MS4A3: variants seen among roughly 807,000 people sequenced by gnomAD.
The protein encoded by MS4A3 is membrane-spanning 4-domains subfamily A member 3.
In MS4A3, 18 loss-of-function variants were observed where a neutral mutation model predicts 24.7. The ratio of observed to expected loss-of-function variants is 0.73; its 90% CI spans 0.50 to 1.08. The LOEUF (loss-of-function observed/expected upper bound fraction) is 1.08, where lower values mean the gene tolerates loss of function less well. Ranked by LOEUF, MS4A3 falls within the 50% of genes least tolerant of loss-of-function variation. The probability of loss-of-function intolerance (pLI) is 0.00; values close to 1 mark genes in which losing one functional copy is unlikely to be tolerated. For missense variants in MS4A3, 282 were observed against 251.7 expected, an observed-to-expected ratio of 1.12 and a Z score of -0.82; for synonymous variants, 84 against 95.3, an observed-to-expected ratio of 0.88 and a Z score of 0.69.
At chr11:60,059,834 A>C (rs1424557495) in intron 1 of MS4A3, among the ~76,000 whole-genome samples, 1 of 152,186 alleles carries the variant, frequency 6.6e-6, no homozygotes, top group Non-Finnish European at 1.5e-5. Flanking sequence ...ATAGTGCTGC[A>C]ATGAACATTC....
Position 60,069,719 on chromosome 11 carries a change from C to T in MS4A3, c.615+44C>T, listed in dbSNP as rs2298585. The T allele has an allele frequency of 9.4e-3, 13,439 of 1,435,424 alleles. 569 individuals are homozygous for T. The East Asian group carries it at 0.13, about 14-fold the overall frequency. 88.9% of individuals were successfully genotyped at this position (1,435,424 alleles called of 1,614,324 possible). A position where few individuals can be genotyped will look rare whatever the true frequency, so the allele number is the denominator to read the frequency against. On this transcript the variant is annotated intron_variant, in intron 6 of 6. Coordinates refer to ENST00000278865, the MANE Select transcript of MS4A3 (RefSeq NM_006138.5). ...TTAATCATTCACATGATCTCAAAGCCTCCCTGTAGGGTTTGAAGTTGTTTC... is the reference window on the plus strand; with the variant it reads ...TTAATCATTCACATGATCTCAAAGCTTCCCTGTAGGGTTTGAAGTTGTTTC...
In MS4A3 at chr11:60,064,343, A is replaced by G. The variant is rs1263239620; in HGVS notation, c.351+25A>G. The G allele has an allele frequency of 5.2e-6, 8 of 1,551,614 alleles. No homozygotes were observed. In the East Asian group the frequency reaches 6.9e-5, roughly 13 times the overall value. ...GGTAAGTAGCACTTCCTCTTTTTCT[A>G]TGATCAGAGGAGTAGAAATATATTA... On this transcript the variant is annotated intron_variant, in intron 4 of 6. Transcript: ENST00000278865.
At chr11:60,061,097 A>T (rs747124625) in intron 1 of MS4A3, 49 bp from the exon 2 acceptor site, 2 of 1,493,796 alleles carry the variant, frequency 1.3e-6, no homozygotes, top group Non-Finnish European at 1.8e-6. Flanking sequence ...TTTAGTAGCT[A>T]GTGGAAAAAG....
intron 5 of MS4A3, among the ~76,000 whole-genome samples, chr11:60,069,286 A>G (rs1855433225): frequency 1.3e-5 from 2 of 152,190 alleles, no homozygotes; most frequent in Non-Finnish European, 2.9e-5. Flanking sequence ...GGAAGATGTT[A>G]GTGATAATGT....
Position 60,070,262 on chromosome 11 carries a change from A to G in MS4A3, c.*29A>G, listed in dbSNP as rs1303089517. 1 of 1,335,172 alleles carries G rather than the reference A, an allele frequency of 7.5e-7. No individual in the cohort carries two copies. Among genetic ancestry groups the G allele is most frequent in the Middle Eastern group, 1.9e-4 (1 of 5,266 alleles). 82.7% of individuals were successfully genotyped at this position (1,335,172 alleles called of 1,614,324 possible). ...AGAATACCTCCTTAATTCTGAGAGC[A>G]TGAATATTTGACCTTAAATCTCCAG... On this transcript the variant is annotated 3_prime_UTR_variant, in exon 7 of 7. Coordinates refer to ENST00000278865, the MANE Select transcript of MS4A3 (RefSeq NM_006138.5).
chr11:60,061,092 T>C (rs534181447), intron 1 of MS4A3, 54 bp from the exon 2 acceptor site: 6 of 1,486,492 alleles, frequency 4.0e-6, no homozygotes, highest in East Asian at 4.7e-5. Context: ...AAAATTTTAG[T>C]AGCTAGTGGA....
Position 60,064,212 on chromosome 11 carries a change from G to A in MS4A3, c.295-50G>A, listed in dbSNP as rs751902213. On this transcript the variant is annotated intron_variant, in intron 3 of 6. Coordinates refer to ENST00000278865, the MANE Select transcript of MS4A3 (RefSeq NM_006138.5). ...ATTGAGGGAGGACCAAGAAGAAAATGGTTGAGACTTAATATTCCTTTATCT... is the reference window on the plus strand; with the variant it reads ...ATTGAGGGAGGACCAAGAAGAAAATAGTTGAGACTTAATATTCCTTTATCT... The A allele has an allele frequency of 7.0e-6, 10 of 1,437,110 alleles. No homozygotes were observed. The East Asian group carries it at 7.2e-5, about 10-fold the overall frequency. The allele number at this position is 1,437,110 out of a possible 1,614,324, so 89.0% of individuals were successfully genotyped here. A position where few individuals can be genotyped will look rare whatever the true frequency, so the allele number is the denominator to read the frequency against.
At chr11:60,062,104 A>T (rs1229996400) in intron 2 of MS4A3, among the ~76,000 whole-genome samples, 1 of 152,136 alleles carries the variant, frequency 6.6e-6, no homozygotes, top group Non-Finnish European at 1.5e-5. Flanking sequence ...GCTGAGTAGG[A>T]TATGGCTTAT....
intron 3 of MS4A3, among the ~76,000 whole-genome samples, chr11:60,063,017 C>G (rs57170676): frequency 1.3e-5 from 2 of 151,816 alleles, no homozygotes; most frequent in South Asian, 4.2e-4. Flanking sequence ...AGGATGGTCT[C>G]GAACTCCTGA....
intron 4 of MS4A3, among the ~76,000 whole-genome samples, chr11:60,066,617 T>C (rs971918170): frequency 6.6e-6 from 1 of 152,214 alleles, no homozygotes; most frequent in Non-Finnish European, 1.5e-5. Flanking sequence ...CCCAGTGTCA[T>C]TTCTATTTAA....
intron 2 of MS4A3, 180 bp downstream of exon 2, chr11:60,061,496 C>T (rs1271390890): frequency 2.7e-6 from 2 of 730,048 alleles, no homozygotes; most frequent in Non-Finnish European, 4.8e-6. Context: ...TCAGTCTATT[C>T]AACGTGAAGA....
At chr11:60,061,649 C>T (rs549932586) in intron 2 of MS4A3, 12 of 288,942 alleles carry the variant, frequency 4.2e-5, no homozygotes, top group Middle Eastern at 1.2e-3. Flanking sequence ...ATGTGATAAT[C>T]GACTGTTTAT....
At chr11:60,067,168 A>T in intron 5 of MS4A3, 56 bp downstream of exon 5, 1 of 1,379,850 alleles carries the variant, frequency 7.2e-7, no homozygotes, top group Non-Finnish European at 9.8e-7. Context: ...TCCAGGATGT[A>T]CAGAAAAATA....
chr11:60,061,645 T>G, intron 2 of MS4A3: 1 of 298,304 alleles, frequency 3.4e-6, no homozygotes, highest in Non-Finnish European at 6.5e-6. Flanking sequence ...AAATATGTGA[T>G]AATCGACTGT....
Position 60,067,210 on chromosome 11 carries a change from ATCTT to A in MS4A3, c.513+100_513+103del. Reference sequence around the variant, plus strand: ...CAGGTACCAATGTGCCATAATTTGAATCTTTTTTTTTTTTTTTTTTGAGACGGAG... The same window carrying A: ...CAGGTACCAATGTGCCATAATTTGAATTTTTTTTTTTTTTTTGAGACGGAG... On this transcript the variant is annotated intron_variant, in intron 5 of 6. Transcript: ENST00000278865. 3.6e-6 allele frequency: 3 copies of A among 836,042 alleles called. No homozygotes were observed. In the African/African-American group the frequency reaches 5.6e-5, roughly 16 times the overall value. The allele number at this position is 836,042 out of a possible 1,614,324, so 51.8% of individuals were successfully genotyped here. A position where few individuals can be genotyped will look rare whatever the true frequency, so the allele number is the denominator to read the frequency against.
At chr11:60,063,036 G>A (rs1197642102) in intron 3 of MS4A3, among the ~76,000 whole-genome samples, 1 of 152,120 alleles carries the variant, frequency 6.6e-6, no homozygotes, top group Non-Finnish European at 1.5e-5. Flanking sequence ...GACCACAAGT[G>A]GTCCTCCCAG....
rs777240337 is a variant in MS4A3 at position 60,061,127 on chromosome 11, G to C, written c.-15-19G>C. ...AAAAAGGGAAAGCATGAAGGCTTTG[G>C]ATTTCTTTTCTATCACAGCCATAAA... On this transcript the variant is annotated intron_variant, in intron 1 of 6. Coordinates refer to ENST00000278865, the MANE Select transcript of MS4A3 (RefSeq NM_006138.5). The C allele has an allele frequency of 5.2e-6, 8 of 1,536,982 alleles. No homozygotes were observed. The highest frequency in any genetic ancestry group is 7.0e-6 in the Non-Finnish European group (8 of 1,145,720).
chr11:60,060,418 A>G (rs1855252565), intron 1 of MS4A3, among the ~76,000 whole-genome samples: 1 of 152,146 alleles, frequency 6.6e-6, no homozygotes, highest in Non-Finnish European at 1.5e-5. Context: ...AGGTCATGCA[A>G]CTAGTAAATG....
At chr11:60,064,727 T>C (rs949516290) in intron 4 of MS4A3, among the ~76,000 whole-genome samples, 9 of 152,194 alleles carry the variant, frequency 5.9e-5, no homozygotes, top group Non-Finnish European at 1.3e-4. Context: ...ACTTTCCTAC[T>C]CCATTCATTC....
Sources: allele counts gnomAD v4.1 joint callset (sites outside exome capture counted in the v4.1 genomes callset), GRCh38; gene constraint gnomAD v4.1.1; transcripts MANE v1.5; gene names NCBI Gene and HGNC (gene_info 2026-07-23, HGNC 2026-07-21).